Variants in SOX5 observed in about 807,000 individuals in gnomAD.
The protein encoded by SOX5 is transcription factor SOX-5.
Under a neutral mutation model 92.0 loss-of-function variants are expected in SOX5, and 9 were observed. The observed-to-expected ratio is 0.10, with a 90% CI of 0.06 to 0.17. The LOEUF (loss-of-function observed/expected upper bound fraction) is 0.17. Ranked by LOEUF, SOX5 falls within the 10% of genes least tolerant of loss-of-function variation. The pLI is 1.00. For missense variants in SOX5, 642 were observed against 944.5 expected (o/e 0.68, Z 4.20); for synonymous variants, 344 against 336.3 (o/e 1.02, Z -0.25).
intron 3 of SOX5, chr12:24,237,954 G>C (rs983700316): frequency 6.6e-6 from 1 of 152,158 alleles, no homozygotes; most frequent in African/African-American, 2.4e-5. Context: ...ACCCTGCTGG[G>C]CCATGGTAAC....
intron 3 of SOX5, among the ~76,000 whole-genome samples, chr12:24,271,188 G>C (rs1457957463): frequency 6.6e-6 from 1 of 152,166 alleles, no homozygotes; most frequent in African/African-American, 2.4e-5. Flanking sequence ...TGAACTGCTA[G>C]ACGTTCTACT....
Position 23,970,841 on chromosome 12 carries a change from A to ATATATATATTTTTTTTTTTTTTTTTTT in SOX5, c.-1-74818_-1-74817insAAAAAAAAAAAAAAAAAAATATATATA. Among the ~76,000 whole-genome samples, 2 of 21,884 alleles carry ATATATATATTTTTTTTTTTTTTTTTTT rather than the reference A, an allele frequency of 9.1e-5. 1 individual carries two copies. Among genetic ancestry groups the ATATATATATTTTTTTTTTTTTTTTTTT allele is most frequent in the Non-Finnish European group, 2.1e-4 (2 of 9,706 alleles). The allele number at this position is 21,884 out of a possible 152,430, so 14.4% of individuals were successfully genotyped here. On this transcript the variant is annotated intron_variant, in intron 4 of 4. Transcript: ENST00000446891. ...ACATGGGACTTTATATATATATATA[A>ATATATATATTTTTTTTTTTTTTTTTTT]TTTTTTTTTTTTTTTAAGAAATGGG...
At chr12:24,095,991 G>T (rs918924005) in intron 4 of SOX5, among the ~76,000 whole-genome samples, 2 of 152,078 alleles carry the variant, frequency 1.3e-5, no homozygotes, top group South Asian at 4.1e-4. Flanking sequence ...ATATGAAAAT[G>T]GACTAATACA....
At chr12:24,363,846 A>G (rs1306831747) in intron 2 of SOX5, among the ~76,000 whole-genome samples, 1 of 152,194 alleles carries the variant, frequency 6.6e-6, no homozygotes, top group Non-Finnish European at 1.5e-5. Context: ...AAGTAGAGAA[A>G]TGTCCATGAA....
intron 4 of SOX5, among the ~76,000 whole-genome samples, chr12:24,084,040 G>A (rs535196873): frequency 8.0e-4 from 122 of 152,108 alleles, no homozygotes; most frequent in Admixed American, 2.4e-3. Flanking sequence ...AGGAAAGGAG[G>A]AAAGGCACTG....
chr12:23,539,103 C>A (rs1941336984), intron 13 of SOX5, among the ~76,000 whole-genome samples: 1 of 151,974 alleles, frequency 6.6e-6, no homozygotes, highest in Admixed American at 6.6e-5. Flanking sequence ...CCACTCCTGG[C>A]CAAGCATTTT....
At chr12:24,471,596 A>T (rs927768209) in intron 1 of SOX5, among the ~76,000 whole-genome samples, 4 of 152,174 alleles carry the variant, frequency 2.6e-5, no homozygotes, top group Non-Finnish European at 5.9e-5. Flanking sequence ...GTGTCTTCTA[A>T]ATGTTAAATG....
chr12:23,846,967 A>C (rs569862120), intron 2 of SOX5, among the ~76,000 whole-genome samples: 2 of 152,212 alleles, frequency 1.3e-5, no homozygotes, highest in South Asian at 2.1e-4. Context: ...AAAATAATTT[A>C]TTGTATGGTT....
intron 1 of SOX5, among the ~76,000 whole-genome samples, chr12:24,490,834 T>G (rs1404561965): frequency 6.6e-6 from 1 of 152,164 alleles, no homozygotes; most frequent in African/African-American, 2.4e-5. Flanking sequence ...ACTCTAATAT[T>G]CCTTTTATGC....
intron 1 of SOX5, among the ~76,000 whole-genome samples, chr12:24,552,451 T>G (rs915922646): frequency 6.6e-6 from 1 of 152,038 alleles, no homozygotes; most frequent in African/African-American, 2.4e-5. Context: ...AGGTTCTATA[T>G]GTCTGGGATG....
At chr12:24,459,635 G>A (rs181439214) in intron 1 of SOX5, among the ~76,000 whole-genome samples, 1 of 152,220 alleles carries the variant, frequency 6.6e-6, no homozygotes, top group East Asian at 1.9e-4. Flanking sequence ...GAAAGAAACC[G>A]ACAGGAGTAT....
chr12:23,852,196 T>A (rs183668967), intron 2 of SOX5, among the ~76,000 whole-genome samples: 38 of 152,306 alleles, frequency 2.5e-4, no homozygotes, highest in African/African-American at 7.9e-4. Context: ...TTCTCTATGA[T>A]CTACGGAAAG....
At chr12:23,963,781 A>AAAAC (rs1947239316) in intron 4 of SOX5, among the ~76,000 whole-genome samples, 1 of 151,576 alleles carries the variant, frequency 6.6e-6, no homozygotes, top group Non-Finnish European at 1.5e-5. Flanking sequence ...AAAAAAAAAA[A>AAAAC]AACTGGAAGG....
At chr12:23,662,133 T>TTA (rs1336877260) in intron 7 of SOX5, among the ~76,000 whole-genome samples, 5 of 151,798 alleles carry the variant, frequency 3.3e-5, no homozygotes, top group Non-Finnish European at 4.4e-5. Flanking sequence ...TACACACACA[T>TTA]TATATATATA....
At chr12:23,561,004 A>C (rs933752866) in intron 11 of SOX5, among the ~76,000 whole-genome samples, 33 of 152,308 alleles carry the variant, frequency 2.2e-4, no homozygotes, top group African/African-American at 7.7e-4. Context: ...TTCATAATTT[A>C]AGTTTTTCAC....
chr12:24,261,497 C>T (rs1446053022), intron 3 of SOX5, among the ~76,000 whole-genome samples: 1 of 152,172 alleles, frequency 6.6e-6, no homozygotes, highest in African/African-American at 2.4e-5. Context: ...CACCTACCCA[C>T]CCCAAAGCCA....
At chr12:24,559,189 A>T (rs1002980345) in intron 1 of SOX5, among the ~76,000 whole-genome samples, 1 of 152,206 alleles carries the variant, frequency 6.6e-6, no homozygotes, top group South Asian at 2.1e-4. Flanking sequence ...CATTTCTCAG[A>T]CTAAAAATTT....
intron 4 of SOX5, among the ~76,000 whole-genome samples, chr12:24,082,503 T>C (rs1413311892): frequency 6.6e-6 from 1 of 150,436 alleles, no homozygotes; most frequent in African/African-American, 2.4e-5. Context: ...TATAGTAAAG[T>C]TGTTACAATT....
At chr12:23,623,122 T>A (rs967156571) in intron 8 of SOX5, among the ~76,000 whole-genome samples, 9 of 152,182 alleles carry the variant, frequency 5.9e-5, no homozygotes, top group African/African-American at 2.2e-4. Flanking sequence ...CATATGCCAT[T>A]CATCCATTCT....
Sources: allele counts gnomAD v4.1 joint callset (sites outside exome capture counted in the v4.1 genomes callset), GRCh38; gene constraint gnomAD v4.1.1; transcripts MANE v1.5; gene names NCBI Gene and HGNC (gene_info 2026-07-23, HGNC 2026-07-21).